The following CA10 variants were observed in gnomAD, a reference collection of about 807,000 sequenced individuals.
CA10 encodes the protein carbonic anhydrase-related protein 10.
In CA10, 14 loss-of-function variants were observed where a neutral mutation model predicts 44.2. The ratio of observed to expected loss-of-function variants is 0.32; its 90% confidence interval spans 0.21 to 0.50. The LOEUF (loss-of-function observed/expected upper bound fraction) is 0.50, where lower values mean the gene tolerates loss of function less well. Ranked by LOEUF, CA10 falls within the 20% of genes least tolerant of loss-of-function variation. CA10 has a pLI of 0.99. For synonymous variants in CA10, 159 were observed against 141.6 expected (o/e 1.12, Z -0.87); for missense variants, 350 against 409.7 (o/e 0.85, Z 1.26).
At chr17:52,119,468 T>C (rs192810318) in intron 1 of CA10, among the ~76,000 whole-genome samples, 1 of 152,276 alleles carries the variant, frequency 6.6e-6, no homozygotes, top group Admixed American at 6.5e-5. Flanking sequence ...TCCTGACCCA[T>C]GGTAAGTAAA....
chr17:51,633,286 A>T (rs1220593820), intron 8 of CA10, among the ~76,000 whole-genome samples, 190 bp downstream of exon 8: 1 of 152,232 alleles, frequency 6.6e-6, no homozygotes, highest in Non-Finnish European at 1.5e-5. Context: ...AGATGCATTC[A>T]TACAGGTATC....
Position 51,681,337 on chromosome 17 carries a change from A to G in CA10, c.466-27601T>C, listed in dbSNP as rs115861472. Among the ~76,000 whole-genome samples, 228 of 152,324 alleles carry G rather than the reference A, an allele frequency of 1.5e-3. 1 individual carries two copies. The highest frequency in any genetic ancestry group is 5.1e-3 in the African/African-American group (213 of 41,568). Reference sequence around the variant, plus strand: ...TCTTTGCTTCAATGAACACGAACTGATTTTCTGATGCCATCAGTGCTGCTG... The same window carrying G: ...TCTTTGCTTCAATGAACACGAACTGGTTTTCTGATGCCATCAGTGCTGCTG... On this transcript the variant is annotated intron_variant, in intron 4 of 8. Coordinates refer to ENST00000451037, the MANE Select transcript of CA10 (RefSeq NM_020178.5).
At chr17:51,647,018 T>C (rs1913369835) in intron 6 of CA10, among the ~76,000 whole-genome samples, 2 of 152,116 alleles carry the variant, frequency 1.3e-5, no homozygotes, top group Admixed American at 1.3e-4. Flanking sequence ...GGCTCCCCTT[T>C]CTTTTCCCTG....
chr17:51,747,859 C>G (rs1470722481), intron 3 of CA10, 41 bp from the exon 4 acceptor site: 5 of 1,482,466 alleles, frequency 3.4e-6, no homozygotes, highest in Non-Finnish European at 4.6e-6. Flanking sequence ...GGCCCTCCTT[C>G]TTCTATGCCT....
intron 2 of CA10, among the ~76,000 whole-genome samples, chr17:51,996,732 T>C (rs765784693): frequency 2.6e-5 from 4 of 152,060 alleles, no homozygotes; most frequent in African/African-American, 7.2e-5. Context: ...TCAGAAATCA[T>C]GCCCACTTGG....
At chr17:51,957,987 G>A (rs560610043) in intron 2 of CA10, among the ~76,000 whole-genome samples, 1 of 151,892 alleles carries the variant, frequency 6.6e-6, no homozygotes, top group Non-Finnish European at 1.5e-5. Context: ...ACAGCACTCA[G>A]CACAGTCTGA....
At chr17:52,016,632 G>A (rs1469117572) in intron 2 of CA10, among the ~76,000 whole-genome samples, 1 of 152,062 alleles carries the variant, frequency 6.6e-6, no homozygotes, top group East Asian at 1.9e-4. Context: ...AGACCCTGGG[G>A]CCAGATGTGG....
chr17:51,705,516 C>T (rs1055697633), intron 4 of CA10, among the ~76,000 whole-genome samples: 3 of 152,098 alleles, frequency 2.0e-5, no homozygotes, highest in Non-Finnish European at 4.4e-5. Flanking sequence ...AAGCATTCGT[C>T]TGAACAAACA....
chr17:51,776,159 A>C (rs1379281594), intron 3 of CA10, among the ~76,000 whole-genome samples: 1 of 152,178 alleles, frequency 6.6e-6, no homozygotes, highest in East Asian at 1.9e-4. Flanking sequence ...CAGGAGTTTG[A>C]TACCAGCCTG....
intron 2 of CA10, among the ~76,000 whole-genome samples, chr17:51,934,716 G>C (rs1982795092): frequency 6.6e-6 from 1 of 152,086 alleles, no homozygotes; most frequent in African/African-American, 2.4e-5. Flanking sequence ...TGCACACAAA[G>C]AGCTGCTCCA....
chr17:51,637,363 T>C (rs1912877316), intron 6 of CA10, among the ~76,000 whole-genome samples: 1 of 152,210 alleles, frequency 6.6e-6, no homozygotes, highest in South Asian at 2.1e-4. Flanking sequence ...ACTTGCCTTC[T>C]GCATCCCAGT....
In CA10 at chr17:52,072,393, G is replaced by C; in HGVS notation, c.62C>G (p.Ala21Gly). 6.2e-7 allele frequency: 1 copy of C among 1,611,446 alleles called. No individual in the cohort carries two copies. Among genetic ancestry groups the C allele is most frequent in the Non-Finnish European group, 8.5e-7 (1 of 1,177,744 alleles). ...LQANFIVCISAQQNSPKIHEG... is the reference protein window; with the variant it reads ...LQANFIVCISGQQNSPKIHEG... ...ATGGATTTTTGGTGAATTCTGTTGA[G>C]CTAAAGGAAAAGCAAAGAAGAGAGA... Residue 21 changes from alanine (A) to glycine (G), a missense_variant and splice_region_variant, in exon 2 of 9, where the codon GCT becomes GGT. Transcript: ENST00000451037.
intron 3 of CA10, among the ~76,000 whole-genome samples, chr17:51,868,250 T>C (rs759597373): frequency 1.2e-4 from 18 of 152,172 alleles, no homozygotes; most frequent in Non-Finnish European, 2.2e-4. Context: ...TTTAATGAAA[T>C]GGGAATTTAA....
intron 2 of CA10, among the ~76,000 whole-genome samples, chr17:51,955,673 C>G (rs1983639368): frequency 6.6e-6 from 1 of 152,132 alleles, no homozygotes; most frequent in Admixed American, 6.6e-5. Context: ...GCCTTCTACT[C>G]TAAGCTCTGG....
intron 4 of CA10, among the ~76,000 whole-genome samples, chr17:51,712,283 A>AG (rs915910013): frequency 6.6e-6 from 1 of 152,230 alleles, no homozygotes. Context: ...CAGTCCCATC[A>AG]GAAGACATGG....
chr17:52,143,374 A>G (rs1188695660), intron 1 of CA10, among the ~76,000 whole-genome samples: 1 of 152,224 alleles, frequency 6.6e-6, no homozygotes, highest in Non-Finnish European at 1.5e-5. Flanking sequence ...AGAAAGAAAC[A>G]AACCAGAATA....
chr17:52,102,129 A>G (rs1489273783), intron 1 of CA10, among the ~76,000 whole-genome samples: 1 of 152,098 alleles, frequency 6.6e-6, no homozygotes, highest in East Asian at 1.9e-4. Flanking sequence ...TGGAATTTCA[A>G]ATTACTTTCC....
intron 3 of CA10, among the ~76,000 whole-genome samples, chr17:51,918,885 G>A (rs1265946019): frequency 6.6e-6 from 1 of 152,074 alleles, no homozygotes; most frequent in South Asian, 2.1e-4. Context: ...GGAAAGAGAT[G>A]GATTATTTTA....
intron 3 of CA10, among the ~76,000 whole-genome samples, chr17:51,786,657 C>T (rs1010505918): frequency 3.5e-5 from 5 of 144,734 alleles, no homozygotes; most frequent in African/African-American, 1.2e-4. Flanking sequence ...CCTGATTGCT[C>T]TTGCTAGGAA....
Sources: gnomAD v4.1 joint callset for allele counts (sites outside exome capture counted in the v4.1 genomes callset) on GRCh38, gnomAD v4.1.1 for gene constraint, MANE v1.5 for transcripts, NCBI Gene and HGNC (gene_info 2026-07-23, HGNC 2026-07-21) for gene names.